HDAC1: variants seen among roughly 807,000 people sequenced by gnomAD.
The protein encoded by HDAC1 is histone deacetylase 1.
Under a neutral mutation model 65.5 loss-of-function variants are expected in HDAC1, and 18 were observed. The ratio of observed to expected loss-of-function variants is 0.27; its 90% CI spans 0.19 to 0.41. HDAC1 has a LOEUF of 0.41. Ranked by LOEUF, HDAC1 falls within the 10% of genes least tolerant of loss-of-function variation. The pLI is 1.00. For synonymous variants in HDAC1, 211 were observed against 227.9 expected (o/e 0.93, Z 0.67); for missense variants, 373 against 625.2 (o/e 0.60, Z 4.30).
Position 32,326,969 on chromosome 1 carries a change from C to T in HDAC1, c.386C>T (p.Thr129Met), listed in dbSNP as rs1340045148. The change falls in exon 5 of 14, where the codon ACG becomes ATG. Residue 129 changes from threonine (T) to methionine (M), a missense_variant. Thr to Met is a moderately conservative substitution (Grantham distance 81). Transcript: ENST00000373548. ...GCTGTGAAACTTAATAAGCAGCAGA[C>T]GGACATCGCTGTGAATTGGGCTGGG... ...ASAVKLNKQQ[T>M]DIAVNWAGGL... The T allele has an allele frequency of 6.2e-6, 10 of 1,614,042 alleles. No homozygotes were observed. Among genetic ancestry groups the T allele is most frequent in the Admixed American group, 3.3e-5 (2 of 60,018 alleles).
intron 13 of HDAC1, 67 bp from the exon 14 acceptor site, chr1:32,332,950 C>T: frequency 6.5e-7 from 1 of 1,528,756 alleles, no homozygotes; most frequent in Non-Finnish European, 9.0e-7. Flanking sequence ...GTGGAAGTCA[C>T]TGTCTGCACT....
rs758371511 is a variant in HDAC1 at position 32,332,716 on chromosome 1, A to T, written c.1388A>T (p.Glu463Val). 5 of 1,555,570 alleles carry T rather than the reference A, an allele frequency of 3.2e-6. No homozygotes were observed. ...TGTGTTCTAGAAGTCACCGAAGAGG[A>T]GAAAACCAAGGAGGAGAAGCCAGAA... ...PEEKKEVTEEEKTKEEKPEAK... is the reference protein window; with the variant it reads ...PEEKKEVTEEVKTKEEKPEAK... The change falls in exon 13 of 14, where the codon GAG becomes GTG. Residue 463 changes from glutamate to valine, a missense_variant. Glu to Val is a moderately radical substitution (Grantham distance 121). This residue lies in a region of HDAC1 where 126 missense variants were observed against 126.2 expected (regional missense o/e 1.00). Transcript: ENST00000373548.
chr1:32,331,450 G>C lies in HDAC1; in HGVS notation c.980-24G>C, dbSNP rs774049743. 3.6e-6 allele frequency: 5 copies of C among 1,398,038 alleles called. No individual in the cohort carries two copies. The highest frequency in any genetic ancestry group is 5.1e-6 in the Non-Finnish European group (5 of 983,226). The allele number at this position is 1,398,038 out of a possible 1,614,324, so 86.6% of individuals were successfully genotyped here. On this transcript the variant is annotated intron_variant, in intron 9 of 13. Coordinates refer to ENST00000373548, the MANE Select transcript of HDAC1 (RefSeq NM_004964.3). This position sits in a 1 kb window ranked among gnomAD's most constrained non-coding sequence, Gnocchi z 4.2. ...GGGTGCGGTGGCCAGGTCTCTTGAC[G>C]GTCTTCTCTCCTGCCCCAATCAGAG...
rs1557612574 is a variant in HDAC1 at position 32,329,816 on chromosome 1, TGAG to T, written c.729+661_729+663del. ...GATGTTTAAGCTGGACTTTGGAAAATGAGGAGGTGCCCATGTGAAGAAGGAGGT... is the reference window on the plus strand; with the variant it reads ...GATGTTTAAGCTGGACTTTGGAAAATGAGGTGCCCATGTGAAGAAGGAGGT... On this transcript the variant is annotated intron_variant, in intron 7 of 13. Transcript: ENST00000373548. The surrounding 1 kb of genome is among the most constrained non-coding windows in gnomAD (Gnocchi z 4.1). 6.4e-6 allele frequency: 1 copy of T among 155,428 alleles called. No individual in the cohort carries two copies. The highest frequency in any genetic ancestry group is 1.9e-4 in the East Asian group (1 of 5,266). The allele number at this position is 155,428 out of a possible 1,614,324, so 9.6% of individuals were successfully genotyped here.
chr1:32,310,652 C>T (rs528482685), intron 2 of HDAC1, among the ~76,000 whole-genome samples: 2 of 152,058 alleles, frequency 1.3e-5, no homozygotes, highest in African/African-American at 4.8e-5. Flanking sequence ...CAGTTTGAGA[C>T]CAGCCTGGCC....
At position 32,332,260 on chromosome 1, in the gene HDAC1, T is replaced by A. The variant is rs1168702415; in HGVS notation, c.1372+18T>A. ...GAAGAAAGGTGGGTTTGGGTTCAGCTGGGACTTGGGTCTCGAGCCTGAGAG... is the reference window on the plus strand; with the variant it reads ...GAAGAAAGGTGGGTTTGGGTTCAGCAGGGACTTGGGTCTCGAGCCTGAGAG... On this transcript the variant is annotated intron_variant, in intron 12 of 13. Transcript: ENST00000373548. 1 of 1,602,990 alleles carries A rather than the reference T, an allele frequency of 6.2e-7. No homozygotes were observed. Among genetic ancestry groups the A allele is most frequent in the Non-Finnish European group, 8.5e-7 (1 of 1,174,640 alleles).
chr1:32,307,882 C>T (rs1345940601), intron 2 of HDAC1, among the ~76,000 whole-genome samples: 8 of 152,130 alleles, frequency 5.3e-5, no homozygotes, highest in South Asian at 2.1e-4. Context: ...AACATGAGCA[C>T]GGACACTGTT....
intron 1 of HDAC1, among the ~76,000 whole-genome samples, chr1:32,293,806 G>A (rs1332668446): frequency 6.6e-6 from 1 of 151,822 alleles, no homozygotes; most frequent in Non-Finnish European, 1.5e-5. Flanking sequence ...GGAGGCTGAG[G>A]CAGGAGAGTC....
chr1:32,309,736 G>A (rs1179561050), intron 2 of HDAC1, among the ~76,000 whole-genome samples: 2 of 150,288 alleles, frequency 1.3e-5, no homozygotes, highest in East Asian at 3.9e-4. Context: ...ATGGAATGCA[G>A]TGGCTATTCC....
At position 32,329,085 on chromosome 1, in the gene HDAC1, A is replaced by C; in HGVS notation, c.654A>C (p.Lys218Asn). 6.2e-7 allele frequency: 1 copy of C among 1,609,356 alleles called. No individual in the cohort carries two copies. Among genetic ancestry groups the C allele is most frequent in the South Asian group, 1.1e-5 (1 of 90,976 alleles). Residue 218 changes from lysine to asparagine, a missense_variant, in exon 7 of 14, where the codon AAA becomes AAC. This residue lies in a region of HDAC1 where 62 missense variants were observed against 180.0 expected (regional missense o/e 0.34). Transcript: ENST00000373548. This position sits in a 1 kb window ranked among gnomAD's most constrained non-coding sequence, Gnocchi z 4.1. ...TTAATTAGGATATCGGGGCTGGCAA[A>C]GGCAAGTATTATGCTGTTAACTACC... ...TGDLRDIGAGKGKYYAVNYPL... is the reference protein window; with the variant it reads ...TGDLRDIGAGNGKYYAVNYPL...
At chr1:32,300,305 C>G (rs1248271847) in intron 1 of HDAC1, among the ~76,000 whole-genome samples, 1 of 152,082 alleles carries the variant, frequency 6.6e-6, no homozygotes, top group Non-Finnish European at 1.5e-5. Context: ...TAAAACAATC[C>G]TAGCACTTTG....
intron 4 of HDAC1, 106 bp downstream of exon 4, chr1:32,324,659 T>C (rs1379007127): frequency 1.5e-5 from 12 of 794,648 alleles, no homozygotes; most frequent in Non-Finnish European, 2.7e-5. Flanking sequence ...TGTAGAATGG[T>C]CCTGTGGTTT....
At chr1:32,322,861 C>T (rs1332977625) in intron 3 of HDAC1, among the ~76,000 whole-genome samples, 3 of 152,166 alleles carry the variant, frequency 2.0e-5, no homozygotes, top group African/African-American at 4.8e-5. Flanking sequence ...GGGCAAATCA[C>T]TTAACTTCTC....
In HDAC1 at chr1:32,330,975, A is replaced by G; in HGVS notation, c.979+67A>G. The G allele has an allele frequency of 6.6e-7, 1 of 1,513,688 alleles. No homozygotes were observed. 93.8% of individuals were successfully genotyped at this position (1,513,688 alleles called of 1,614,324 possible). On this transcript the variant is annotated intron_variant, in intron 9 of 13. Transcript: ENST00000373548. This position sits in a 1 kb window ranked among gnomAD's most constrained non-coding sequence, Gnocchi z 4.2. ...CTGGAGCTCATCTGTCCTTAAGTTT[A>G]TAACCCCTTCCCCGTTGGTCATATG...
chr1:32,331,611 T>G lies in HDAC1; in HGVS notation c.1088+29T>G. On this transcript the variant is annotated intron_variant, in intron 10 of 13. Transcript: ENST00000373548. The surrounding 1 kb of genome is among the most constrained non-coding windows in gnomAD (Gnocchi z 4.2). Reference sequence around the variant, plus strand: ...AGTATATCCTCCAGCCACCCCTTGGTTGAACATTCCTGACTTTGGTTTGTC... The same window carrying G: ...AGTATATCCTCCAGCCACCCCTTGGGTGAACATTCCTGACTTTGGTTTGTC... 1.2e-6 allele frequency: 2 copies of G among 1,612,770 alleles called. No individual in the cohort carries two copies. The highest frequency in any genetic ancestry group is 1.7e-6 in the Non-Finnish European group (2 of 1,178,774).
chr1:32,307,131 G>A (rs1231633117), intron 2 of HDAC1, among the ~76,000 whole-genome samples: 1 of 152,106 alleles, frequency 6.6e-6, no homozygotes, highest in Non-Finnish European at 1.5e-5. Context: ...TGTAGTCCCA[G>A]CTACTCAGGA....
chr1:32,305,169 C>G (rs1038145506), intron 2 of HDAC1, among the ~76,000 whole-genome samples: 2 of 152,146 alleles, frequency 1.3e-5, no homozygotes, highest in African/African-American at 4.8e-5. Context: ...GAGACTCACC[C>G]ATGTTGATAC....
At position 32,331,805 on chromosome 1, in the gene HDAC1, G is replaced by C. The variant is rs376264417; in HGVS notation, c.1218G>C (p.Ser406=). 1.2e-6 allele frequency: 2 copies of C among 1,609,026 alleles called. No individual in the cohort carries two copies. The highest frequency in any genetic ancestry group is 1.7e-6 in the Non-Finnish European group (2 of 1,177,326). ...EDEDDPDKRI[S]ICSSDKRIAC... is the part of the protein sequence containing the mutation. ...AAGACGACCCTGACAAGCGCATCTCGAGTGAGACCCAGACCTAGAGCCCTA... is the reference window on the plus strand; with the variant it reads ...AAGACGACCCTGACAAGCGCATCTCCAGTGAGACCCAGACCTAGAGCCCTA... The change falls in exon 11 of 14, where the codon TCG becomes TCC. Residue 406 remains serine, a splice_region_variant and synonymous_variant. Transcript: ENST00000373548. This position sits in a 1 kb window ranked among gnomAD's most constrained non-coding sequence, Gnocchi z 4.2.
chr1:32,294,700 G>A (rs1640743813), intron 1 of HDAC1, among the ~76,000 whole-genome samples: 1 of 151,284 alleles, frequency 6.6e-6, no homozygotes, highest in Admixed American at 6.6e-5. Flanking sequence ...ATTTTTAGTA[G>A]AGACAGGGTT....
Sources: allele counts gnomAD v4.1 joint callset (sites outside exome capture counted in the v4.1 genomes callset), GRCh38; gene constraint gnomAD v4.1.1; regional missense constraint gnomAD v4.1.1; non-coding constraint Gnocchi (gnomAD v3.1); transcripts MANE v1.5; gene names NCBI Gene and HGNC (gene_info 2026-07-23, HGNC 2026-07-21).